The following SORCS3 variants were observed in gnomAD, a reference collection of about 807,000 sequenced individuals.
The protein encoded by SORCS3 is sortilin related VPS10 domain containing receptor 3.
In SORCS3, 57 loss-of-function variants were observed where a neutral mutation model predicts 146.3. That is an observed-to-expected ratio of 0.39 (90% CI 0.31 to 0.49). SORCS3 has a LOEUF of 0.49. Ranked by LOEUF, SORCS3 falls within the 20% of genes least tolerant of loss-of-function variation. The pLI, the probability that SORCS3 is intolerant of heterozygous loss-of-function variation, is 0.92. For synonymous variants in SORCS3, 653 were observed against 618.5 expected (o/e 1.06, Z -0.83); for missense variants, 1,341 against 1,575.5 (o/e 0.85, Z 2.52).
At chr10:105,247,380 C>A in intron 22 of SORCS3, 49 bp downstream of exon 22, 1 of 1,046,768 alleles carries the variant, frequency 9.6e-7, no homozygotes, top group East Asian at 2.4e-5. Context: ...AAGAAAAGAA[C>A]TAGATGGTGT....
At position 105,264,759 on chromosome 10, in the gene SORCS3, A is replaced by G. The variant is rs1326160523; in HGVS notation, c.*1385A>G. 5 of 152,670 alleles carry G rather than the reference A, an allele frequency of 3.3e-5. No homozygotes were observed. The highest frequency in any genetic ancestry group is 7.3e-5 in the Non-Finnish European group (5 of 68,044). 9.5% of individuals were successfully genotyped at this position (152,670 alleles called of 1,614,324 possible). A position where few individuals can be genotyped will look rare whatever the true frequency, so the allele number is the denominator to read the frequency against. ...AGCCTTTTAGCTTTTCCAGCACCTC[A>G]GCCCCTTCACACATTTACACATACC... On this transcript the variant is annotated 3_prime_UTR_variant, in exon 27 of 27. Transcript: ENST00000369701.
intron 4 of SORCS3, among the ~76,000 whole-genome samples, chr10:105,014,207 G>A (rs1211215152): frequency 1.3e-5 from 2 of 151,114 alleles, no homozygotes; most frequent in African/African-American, 4.9e-5. Flanking sequence ...ATTATTCTGG[G>A]ACAATTGGGT....
chr10:105,007,915 G>T (rs2055107387), intron 4 of SORCS3, among the ~76,000 whole-genome samples: 1 of 152,138 alleles, frequency 6.6e-6, no homozygotes, highest in Non-Finnish European at 1.5e-5. Flanking sequence ...CTGGGAAGAA[G>T]TCCCCTCTGG....
intron 1 of SORCS3, among the ~76,000 whole-genome samples, chr10:104,695,034 G>A (rs1372268309): frequency 1.3e-5 from 2 of 152,140 alleles, no homozygotes; most frequent in African/African-American, 2.4e-5. Flanking sequence ...GCGAAAATAG[G>A]AATCCTTTGG....
At chr10:104,831,444 A>G (rs2017999742) in intron 1 of SORCS3, among the ~76,000 whole-genome samples, 1 of 152,214 alleles carries the variant, frequency 6.6e-6, no homozygotes, top group Non-Finnish European at 1.5e-5. Context: ...AGTTCCCACA[A>G]GGGAGTGCCC....
At chr10:105,184,538 C>T (rs2056462994) in intron 14 of SORCS3, among the ~76,000 whole-genome samples, 3 of 152,168 alleles carry the variant, frequency 2.0e-5, no homozygotes. Context: ...ACAGTTTTTA[C>T]ATATTTCCCC....
chr10:105,236,192 T>C (rs778431613), intron 20 of SORCS3, among the ~76,000 whole-genome samples: 4 of 152,114 alleles, frequency 2.6e-5, no homozygotes, highest in Non-Finnish European at 5.9e-5. Context: ...TTTGGTACAT[T>C]TGAGAAGTTA....
chr10:105,224,033 A>T (rs1478072553), intron 20 of SORCS3, among the ~76,000 whole-genome samples: 1 of 152,200 alleles, frequency 6.6e-6, no homozygotes, highest in African/African-American at 2.4e-5. Flanking sequence ...CATTATCAAC[A>T]TCCTCCACCA....
chr10:104,947,443 G>A (rs533495659), intron 3 of SORCS3, among the ~76,000 whole-genome samples: 137 of 152,216 alleles, frequency 9.0e-4, no homozygotes, highest in Admixed American at 1.6e-3. Context: ...CCTCTTGGGG[G>A]AGGCACAATA....
At chr10:105,025,639 C>T (rs1000490728) in intron 4 of SORCS3, among the ~76,000 whole-genome samples, 3 of 152,032 alleles carry the variant, frequency 2.0e-5, no homozygotes, top group East Asian at 1.9e-4. Context: ...TTTCTAGCTT[C>T]GGAACTTGTA....
At chr10:105,008,621 G>A (rs749664445) in intron 4 of SORCS3, among the ~76,000 whole-genome samples, 4 of 152,136 alleles carry the variant, frequency 2.6e-5, no homozygotes, top group Non-Finnish European at 5.9e-5. Context: ...TTTTGAGAAG[G>A]TAGGATCAAG....
intron 2 of SORCS3, among the ~76,000 whole-genome samples, chr10:104,858,122 A>C (rs2018355182): frequency 6.6e-6 from 1 of 152,224 alleles, no homozygotes; most frequent in South Asian, 2.1e-4. Flanking sequence ...TCTTTTGTGA[A>C]TATTTAAATT....
intron 1 of SORCS3, among the ~76,000 whole-genome samples, chr10:104,704,768 C>T (rs2016317417): frequency 6.6e-6 from 1 of 152,204 alleles, no homozygotes; most frequent in Non-Finnish European, 1.5e-5. Context: ...AAAGGATCAT[C>T]TTTGCCATCT....
intron 7 of SORCS3, among the ~76,000 whole-genome samples, chr10:105,117,847 A>G (rs1424503083): frequency 6.6e-6 from 1 of 152,200 alleles, no homozygotes; most frequent in Non-Finnish European, 1.5e-5. Flanking sequence ...TAATTAACAT[A>G]GTTGAATTGT....
Position 105,167,399 on chromosome 10 carries a change from T to G in SORCS3, c.1901+50T>G, listed in dbSNP as rs1322936727. On this transcript the variant is annotated intron_variant, in intron 13 of 26. Transcript: ENST00000369701. ...AATGAGCTAATGAGCAGCTTTTTAGTGGAGAGGATTGTGATGAGTTATTCT... is the reference window on the plus strand; with the variant it reads ...AATGAGCTAATGAGCAGCTTTTTAGGGGAGAGGATTGTGATGAGTTATTCT... The G allele has an allele frequency of 2.2e-6, 3 of 1,335,358 alleles. No homozygotes were observed. In the South Asian group the frequency reaches 3.6e-5, roughly 16 times the overall value. The allele number at this position is 1,335,358 out of a possible 1,614,324, so 82.7% of individuals were successfully genotyped here.
intron 5 of SORCS3, among the ~76,000 whole-genome samples, chr10:105,046,356 G>A (rs2055371403): frequency 6.6e-6 from 1 of 152,070 alleles, no homozygotes; most frequent in Non-Finnish European, 1.5e-5. Context: ...GTGTCTAAAG[G>A]ATAGATCCTT....
chr10:105,041,651 T>A (rs1389101777), intron 4 of SORCS3, among the ~76,000 whole-genome samples: 2 of 152,024 alleles, frequency 1.3e-5, no homozygotes, highest in African/African-American at 4.8e-5. Context: ...CCACAAAACT[T>A]TTTTGAGATT....
intron 5 of SORCS3, among the ~76,000 whole-genome samples, chr10:105,056,705 G>A (rs1436379251): frequency 6.6e-6 from 1 of 152,028 alleles, no homozygotes; most frequent in Non-Finnish European, 1.5e-5. Flanking sequence ...TCCATTCTCT[G>A]GTGAAAAATT....
intron 5 of SORCS3, among the ~76,000 whole-genome samples, chr10:105,066,340 A>T (rs2055522615): frequency 6.6e-6 from 1 of 152,174 alleles, no homozygotes; most frequent in Non-Finnish European, 1.5e-5. Flanking sequence ...TTACTGGGAA[A>T]CAGTAGACTT....
Sources: allele counts gnomAD v4.1 joint callset (sites outside exome capture counted in the v4.1 genomes callset), GRCh38; gene constraint gnomAD v4.1.1; transcripts MANE v1.5; gene names NCBI Gene and HGNC (gene_info 2026-07-23, HGNC 2026-07-21).